CHD5: variants seen among roughly 807,000 people sequenced by gnomAD.
CHD5 encodes the protein ATP-dependent chromatin remodeler CHD5.
Under a neutral mutation model 230.3 loss-of-function variants are expected in CHD5, and 69 were observed. The ratio of observed to expected loss-of-function variants is 0.30; its 90% CI spans 0.25 to 0.37. The LOEUF (loss-of-function observed/expected upper bound fraction) is 0.37. CHD5 is among the 10% of genes least tolerant of loss of function. The probability of loss-of-function intolerance (pLI) is 1.00; values close to 1 mark genes in which losing one functional copy is unlikely to be tolerated. For synonymous variants in CHD5, 1,064 were observed against 1,065.9 expected, an observed-to-expected ratio of 1.00 and a Z score of 0.03; for missense variants, 1,827 against 2,622.8, an observed-to-expected ratio of 0.70 and a Z score of 6.63.
intron 33 of CHD5, among the ~76,000 whole-genome samples, chr1:6,117,152 A>G (rs960608827): frequency 3.9e-5 from 6 of 152,206 alleles, no homozygotes; most frequent in African/African-American, 1.4e-4. Flanking sequence ...GGAAAAGAGA[A>G]AAAAGGAGAA....
chr1:6,165,553 G>A (rs1225406381), intron 2 of CHD5, among the ~76,000 whole-genome samples: 1 of 152,028 alleles, frequency 6.6e-6, no homozygotes, highest in Non-Finnish European at 1.5e-5. Flanking sequence ...ACATCACCCC[G>A]AGCCCATGGA....
At chr1:6,136,993 C>T in intron 15 of CHD5, 128 bp from the exon 16 acceptor site, 1 of 988,432 alleles carries the variant, frequency 1.0e-6, no homozygotes, top group Non-Finnish European at 1.4e-6. Flanking sequence ...CCTGGGCCGG[C>T]CAGCCTAGGA....
At chr1:6,117,921 G>C (rs1666402896) in intron 33 of CHD5, among the ~76,000 whole-genome samples, 1 of 152,074 alleles carries the variant, frequency 6.6e-6, no homozygotes. Context: ...TGATCCAGCA[G>C]TTCTACTCCT....
At chr1:6,116,502 C>T (rs560499794) in intron 33 of CHD5, among the ~76,000 whole-genome samples, 1 of 152,286 alleles carries the variant, frequency 6.6e-6, no homozygotes, top group East Asian at 1.9e-4. Flanking sequence ...AGTGAAGCTA[C>T]ATATCACCAA....
chr1:6,110,329 T>C (rs1666265921), intron 37 of CHD5, 65 bp downstream of exon 37: 1 of 1,592,694 alleles, frequency 6.3e-7, no homozygotes, highest in Admixed American at 1.7e-5. Flanking sequence ...CCTTTGCCTT[T>C]GCGAGGGTCC....
At chr1:6,132,581 A>C (rs1464656286) in intron 20 of CHD5, among the ~76,000 whole-genome samples, 6 of 152,216 alleles carry the variant, frequency 3.9e-5, no homozygotes, top group Non-Finnish European at 7.3e-5. Flanking sequence ...TTGTTGGAGC[A>C]TCTCAAGGTG....
chr1:6,166,899 G>A (rs1667264879), intron 2 of CHD5, among the ~76,000 whole-genome samples: 1 of 152,090 alleles, frequency 6.6e-6, no homozygotes, highest in Non-Finnish European at 1.5e-5. Flanking sequence ...GGCCCATGGT[G>A]CACCACCCGC....
intron 33 of CHD5, among the ~76,000 whole-genome samples, chr1:6,115,341 C>T (rs1043201245): frequency 2.0e-5 from 3 of 152,134 alleles, no homozygotes; most frequent in Admixed American, 6.5e-5. Flanking sequence ...CCAAGACTTC[C>T]GGCCCTTGGT....
At chr1:6,138,334 A>C (rs1255208482) in intron 15 of CHD5, among the ~76,000 whole-genome samples, 1 of 151,846 alleles carries the variant, frequency 6.6e-6, no homozygotes, top group Non-Finnish European at 1.5e-5. Context: ...CCGAGATCAC[A>C]CCATTGCACT....
intron 2 of CHD5, 52 bp from the exon 3 acceptor site, chr1:6,159,567 A>G (rs1377565247): frequency 6.6e-7 from 1 of 1,513,554 alleles, no homozygotes; most frequent in Non-Finnish European, 9.0e-7. Flanking sequence ...GAACATCCAG[A>G]GTCCTGGGTG....
At chr1:6,150,912 G>C in intron 7 of CHD5, 120 bp downstream of exon 7, 1 of 1,254,896 alleles carries the variant, frequency 8.0e-7, no homozygotes, top group South Asian at 2.5e-5. Flanking sequence ...CTTCCCACGG[G>C]GAGGTTCCAT....
chr1:6,113,100 G>A, intron 33 of CHD5, 102 bp from the exon 34 acceptor site: 1 of 794,670 alleles, frequency 1.3e-6, no homozygotes, highest in Non-Finnish European at 2.2e-6. Flanking sequence ...CCATCAATAT[G>A]TTCCGCAGAG....
intron 1 of CHD5, among the ~76,000 whole-genome samples, chr1:6,170,802 A>G (rs964419965): frequency 6.6e-6 from 1 of 151,926 alleles, no homozygotes; most frequent in African/African-American, 2.4e-5. Context: ...GTGCACGGGG[A>G]CCCCCTCGGA....
At position 6,131,060 on chromosome 1, in the gene CHD5, T is replaced by G. The variant is rs1459318855; in HGVS notation, c.3262+571A>C. Among the ~76,000 whole-genome samples, 1 of 152,216 alleles carries G rather than the reference T, an allele frequency of 6.6e-6. No individual in the cohort carries two copies. Among genetic ancestry groups the G allele is most frequent in the Non-Finnish European group, 1.5e-5 (1 of 68,026 alleles). On this transcript the variant is annotated intron_variant, in intron 21 of 41. Transcript: ENST00000262450. The surrounding 1 kb of genome is among the most constrained non-coding windows in gnomAD (Gnocchi z 5.0). The stretch of plus-strand genomic sequence containing the variant: ...GCTGACGCCCCAGGGAAACAAAGCT[T>G]GTTACTATTTGCTGCAAACTTGCTA...
chr1:6,127,526 G>T (rs1431698816), intron 25 of CHD5, among the ~76,000 whole-genome samples: 1 of 151,930 alleles, frequency 6.6e-6, no homozygotes, highest in African/African-American at 2.4e-5. Context: ...GTCCTGGAAC[G>T]TTGGCGGTCC....
At position 6,142,950 on chromosome 1, in the gene CHD5, G is replaced by C. The variant is rs184038627; in HGVS notation, c.2044-345C>G. ...CTCTTGAGTACCACACAGTGCCTGGGACATGTGGTCACTTACTCACCATTT... is the reference window on the plus strand; with the variant it reads ...CTCTTGAGTACCACACAGTGCCTGGCACATGTGGTCACTTACTCACCATTT... On this transcript the variant is annotated intron_variant, in intron 13 of 41. Transcript: ENST00000262450. The surrounding 1 kb of genome is among the most constrained non-coding windows in gnomAD (Gnocchi z 5.2). Among the ~76,000 whole-genome samples the C allele has an allele frequency of 6.6e-5, 10 of 152,298 alleles. No homozygotes were observed. The highest frequency in any genetic ancestry group is 1.9e-4 in the African/African-American group (8 of 41,562).
chr1:6,118,133 TG>T (rs1666405384), intron 33 of CHD5, among the ~76,000 whole-genome samples: 1 of 152,110 alleles, frequency 6.6e-6, no homozygotes, highest in African/African-American at 2.4e-5. Context: ...CCCAGCACTT[TG>T]GGAGGTCAAG....
Position 6,152,435 on chromosome 1 carries a change from T to C in CHD5, c.847A>G (p.Asn283Asp). 1.9e-6 allele frequency: 3 copies of C among 1,614,106 alleles called. No homozygotes were observed. Among genetic ancestry groups the C allele is most frequent in the Non-Finnish European group, 2.5e-6 (3 of 1,179,976 alleles). ...GLKFRFGGIS[N>D]KRKKGSSSEE... ...ACCGAGGAGCCTTTCTTCCTCTTGT[T>C]GCTGATCCCCCCGAAGCGGAACTTG... The change falls in exon 6 of 42, where the codon AAC becomes GAC. Residue 283 changes from asparagine (N) to aspartate (D), a missense_variant. By Grantham distance (23) the Asn-to-Asp change is conservative. Transcript: ENST00000262450.
In CHD5 at chr1:6,159,426, C is replaced by T; in HGVS notation, c.297G>A (p.Lys99=). 5.1e-6 allele frequency: 8 copies of T among 1,568,530 alleles called. No individual in the cohort carries two copies. Among genetic ancestry groups the T allele is most frequent in the Non-Finnish European group, 6.9e-6 (8 of 1,153,996 alleles). ...EGSDYSPNKK[K]KKKLKDKKEK... is the part of the protein sequence containing the mutation. ...CCTTCTTGTCCTTGAGTTTCTTCTT[C>T]TTCTTTTTATTCGGGGAGTAGTCAC... Residue 99 remains lysine (K), a synonymous_variant, in exon 3 of 42, where the codon AAG becomes AAA. Transcript: ENST00000262450.
Sources: allele counts gnomAD v4.1 joint callset (sites outside exome capture counted in the v4.1 genomes callset), GRCh38; gene constraint gnomAD v4.1.1; non-coding constraint Gnocchi (gnomAD v3.1); transcripts MANE v1.5; gene names NCBI Gene and HGNC (gene_info 2026-07-23, HGNC 2026-07-21).